COL11A1: variants seen among roughly 807,000 people sequenced by gnomAD.
The protein encoded by COL11A1 is collagen alpha-1(XI) chain.
In COL11A1, 74 loss-of-function variants were observed where a neutral mutation model predicts 265.2. The ratio of observed to expected loss-of-function variants is 0.28; its 90% CI spans 0.23 to 0.34. The LOEUF is 0.34. Ranked by LOEUF, COL11A1 falls within the 10% of genes least tolerant of loss-of-function variation. The pLI is 1.00. For missense variants in COL11A1, 2,165 were observed against 2,263.6 expected (o/e 0.96, Z 0.88); for synonymous variants, 816 against 727.6 (o/e 1.12, Z -1.96).
intron 2 of COL11A1, among the ~76,000 whole-genome samples, chr1:103,080,067 T>A (rs1558034074): frequency 6.6e-6 from 1 of 151,758 alleles, no homozygotes; most frequent in Admixed American, 6.6e-5. Flanking sequence ...TTGAAACTGA[T>A]TAAATAAAAT....
At position 103,069,219 on chromosome 1, in the gene COL11A1, AAAT is replaced by A. The variant is rs1364492489; in HGVS notation, c.651+5396_651+5398del. ...TATGGTAGTAGTAAAAAAAATGAAT[AAAT>A]AATAAGGTAGAGAGTTCAGTAATAG... is the stretch of plus-strand genomic sequence containing the variant. On this transcript the variant is annotated intron_variant, in intron 4 of 66. Coordinates refer to ENST00000370096, the MANE Select transcript of COL11A1 (RefSeq NM_001854.4). Among the ~76,000 whole-genome samples the A allele has an allele frequency of 2.0e-5, 3 of 151,766 alleles. No homozygotes were observed. In the East Asian group the frequency reaches 5.8e-4, roughly 29 times the overall value.
chr1:102,926,362 TCTCA>T (rs1361784607), intron 46 of COL11A1, among the ~76,000 whole-genome samples: 1 of 150,552 alleles, frequency 6.6e-6, no homozygotes, highest in Non-Finnish European at 1.5e-5. Context: ...GCACACTCTC[TCTCA>T]CTCCATATAT....
chr1:102,947,207 A>G (rs1285655659), intron 41 of COL11A1, among the ~76,000 whole-genome samples: 6 of 151,982 alleles, frequency 3.9e-5, no homozygotes, highest in Middle Eastern at 3.4e-3. Flanking sequence ...TCAAAATTAG[A>G]TGTATTTAAT....
rs1342522458 is a variant in COL11A1, at chr1:102,889,528, G to A, written c.4391C>T (p.Pro1464Leu). 1.4e-5 allele frequency: 22 copies of A among 1,613,368 alleles called. No homozygotes were observed. In the Admixed American group the frequency reaches 3.7e-4, roughly 27 times the overall value. Residue 1464 changes from proline to leucine, a missense_variant, in exon 59 of 67, where the codon CCA (proline) becomes CTA (leucine). Pro to Leu is a moderately conservative substitution (Grantham distance 98, BLOSUM62 -3). Coordinates refer to ENST00000370096, the MANE Select transcript of COL11A1 (RefSeq NM_001854.4). ...GTCACCTTTTTCCCCTTGTTCTCCT[G>A]GAGGACCAATCAGGCCAATTAAACC... ...HPGLIGLIGP[P>L]GEQGEKGDRG...
chr1:103,037,018 TC>T (rs1237798436), intron 4 of COL11A1, among the ~76,000 whole-genome samples: 3 of 143,228 alleles, frequency 2.1e-5, no homozygotes, highest in African/African-American at 7.9e-5. Flanking sequence ...CAAAAGGATC[TC>T]ACTATTTTTT....
intron 7 of COL11A1, 126 bp downstream of exon 7, chr1:103,025,395 C>T: frequency 1.3e-6 from 1 of 747,646 alleles, no homozygotes; most frequent in Non-Finnish European, 2.3e-6. Context: ...GTTTCTCTTA[C>T]TTTAGTAAAA....
chr1:102,982,965 A>G (rs1411539964), intron 31 of COL11A1, among the ~76,000 whole-genome samples: 1 of 152,076 alleles, frequency 6.6e-6, no homozygotes, highest in Non-Finnish European at 1.5e-5. Context: ...ATAGATTGAT[A>G]TAATCTCATG....
intron 4 of COL11A1, among the ~76,000 whole-genome samples, chr1:103,053,172 A>G (rs1669966167): frequency 6.6e-6 from 1 of 152,230 alleles, no homozygotes; most frequent in Non-Finnish European, 1.5e-5. Flanking sequence ...TGCCCCTTTT[A>G]GAGGACAAGT....
At chr1:103,010,954 C>T (rs1023381695) in intron 14 of COL11A1, among the ~76,000 whole-genome samples, 4 of 152,122 alleles carry the variant, frequency 2.6e-5, no homozygotes, top group African/African-American at 9.7e-5. Context: ...CCCGCCTTGG[C>T]CTCCCAAAGT....
chr1:102,946,522 C>G (rs115664081), intron 42 of COL11A1, among the ~76,000 whole-genome samples: 3 of 151,728 alleles, frequency 2.0e-5, no homozygotes, highest in Non-Finnish European at 4.4e-5. Context: ...AAAGTTCACA[C>G]TTTTCTAATG....
At chr1:102,878,685 AT>A (rs1188848049) in intron 66 of COL11A1, among the ~76,000 whole-genome samples, 2 of 150,534 alleles carry the variant, frequency 1.3e-5, no homozygotes, top group Non-Finnish European at 1.5e-5. Context: ...TACTTTTTGT[AT>A]TTTTAGTAGA....
In COL11A1 at chr1:102,888,608, T is replaced by C; in HGVS notation, c.4577A>G (p.Asp1526Gly). ...GSTGPAGQKG[D>G]SGLPGPPGSP... The stretch of plus-strand genomic sequence containing the variant: ...CCCAGGAGGCCCTGGAAGACCACTG[T>C]CACCTTTCTGGCCAGCGGGTCCCTG... Residue 1526 changes from aspartate to glycine, a missense_variant, in exon 62 of 67, where the codon GAC (aspartate) becomes GGC (glycine). Coordinates refer to ENST00000370096, the MANE Select transcript of COL11A1 (RefSeq NM_001854.4). 6.2e-7 allele frequency: 1 copy of C among 1,613,754 alleles called. No individual in the cohort carries two copies. The highest frequency in any genetic ancestry group is 8.5e-7 in the Non-Finnish European group (1 of 1,179,718).
At position 103,019,892 on chromosome 1, in the gene COL11A1, T is replaced by A. The variant is rs553237616; in HGVS notation, c.1309-1033A>T. 8.6e-5 allele frequency among the ~76,000 whole-genome samples: 13 copies of A among 150,606 alleles called. No individual in the cohort carries two copies. The East Asian group carries it at 2.6e-3, about 30-fold the overall frequency. On this transcript the variant is annotated intron_variant, in intron 9 of 66. Transcript: ENST00000370096. ...CCGAGAATGATGGTTTCCAATTTCATCCATGTCCCTACAAAGGACATGAAC... is the reference window on the plus strand; with the variant it reads ...CCGAGAATGATGGTTTCCAATTTCAACCATGTCCCTACAAAGGACATGAAC...
chr1:103,046,146 A>G (rs1351985752), intron 4 of COL11A1, among the ~76,000 whole-genome samples: 3 of 151,198 alleles, frequency 2.0e-5, no homozygotes, highest in Admixed American at 2.0e-4. Context: ...TAATGGGATG[A>G]CTGGGTCAAA....
At position 102,903,005 on chromosome 1, in the gene COL11A1, A is replaced by G. The variant is rs577795194; in HGVS notation, c.4087-4011T>C. Among the ~76,000 whole-genome samples, 7 of 152,176 alleles carry G rather than the reference A, an allele frequency of 4.6e-5. No individual in the cohort carries two copies. In the East Asian group the frequency reaches 1.2e-3, roughly 25 times the overall value. ...TTTTATTGTGAACTTCCCTTTGGCA[A>G]TATGAGCCGAATTCAAATTTCCATT... On this transcript the variant is annotated intron_variant, in intron 54 of 66. Transcript: ENST00000370096.
At chr1:103,089,215 T>A (rs1237022260) in intron 1 of COL11A1, among the ~76,000 whole-genome samples, 1 of 152,198 alleles carries the variant, frequency 6.6e-6, no homozygotes, top group Admixed American at 6.5e-5. Context: ...TTTTTAAGTT[T>A]CCCAGATGAG....
chr1:102,971,826 T>G (rs1270575556), intron 36 of COL11A1, among the ~76,000 whole-genome samples: 1 of 152,032 alleles, frequency 6.6e-6, no homozygotes, highest in Non-Finnish European at 1.5e-5. Flanking sequence ...GCTCAGTGAC[T>G]TCTTCAGGTT....
chr1:102,877,712 A>T lies in COL11A1; in HGVS notation c.*307T>A, dbSNP rs1179285238. 6.5e-6 allele frequency: 2 copies of T among 306,222 alleles called. No individual in the cohort carries two copies. Among genetic ancestry groups the T allele is most frequent in the Non-Finnish European group, 1.3e-5 (2 of 159,850 alleles). 19.0% of individuals were successfully genotyped at this position (306,222 alleles called of 1,614,324 possible). On this transcript the variant is annotated 3_prime_UTR_variant, in exon 67 of 67. Coordinates refer to ENST00000370096, the MANE Select transcript of COL11A1 (RefSeq NM_001854.4). ...AATGAGCACCATATTTTTTATGAAT[A>T]TATATTTTTCTTTTTTTGTTTTCTA... is the stretch of plus-strand genomic sequence containing the variant.
intron 7 of COL11A1, among the ~76,000 whole-genome samples, chr1:103,024,523 G>T (rs1415717400): frequency 1.3e-5 from 2 of 151,782 alleles, no homozygotes; most frequent in Non-Finnish European, 2.9e-5. Context: ...AATTTTTTTT[G>T]TATTCTTAGA....
Sources: allele counts gnomAD v4.1 joint callset (sites outside exome capture counted in the v4.1 genomes callset), GRCh38; gene constraint gnomAD v4.1.1; transcripts MANE v1.5; gene names NCBI Gene and HGNC (gene_info 2026-07-23, HGNC 2026-07-21).